KCNH8: variants seen among roughly 807,000 people sequenced by gnomAD.
KCNH8 encodes the protein potassium voltage-gated channel subfamily H member 8.
Under a neutral mutation model 103.6 loss-of-function variants are expected in KCNH8, and 70 were observed. That is an observed-to-expected ratio of 0.68 (90% CI 0.56 to 0.82). KCNH8 has a LOEUF of 0.82. Ranked by LOEUF, KCNH8 falls within the 40% of genes least tolerant of loss-of-function variation. The pLI is 0.00. For synonymous variants in KCNH8, 498 were observed against 489.4 expected, an observed-to-expected ratio of 1.02 and a Z score of -0.23; for missense variants, 1,217 against 1,329.9, an observed-to-expected ratio of 0.92 and a Z score of 1.32.
At chr3:19,515,463 A>G (rs2068858709) in intron 14 of KCNH8, 35 bp downstream of exon 14, 3 of 1,096,946 alleles carry the variant, frequency 2.7e-6, no homozygotes, top group Non-Finnish European at 3.8e-6. Context: ...CTAAGGTAAA[A>G]TATTTCTTAT....
chr3:19,484,233 C>T (rs960935831), intron 11 of KCNH8, among the ~76,000 whole-genome samples: 3 of 152,084 alleles, frequency 2.0e-5, no homozygotes, highest in African/African-American at 4.8e-5. Context: ...TCTGGCTGGT[C>T]GTTTCCTGGG....
intron 3 of KCNH8, among the ~76,000 whole-genome samples, chr3:19,331,111 C>G (rs969664285): frequency 6.6e-6 from 1 of 151,802 alleles, no homozygotes; most frequent in African/African-American, 2.4e-5. Flanking sequence ...GTATCATTTT[C>G]TAATACTGGG....
chr3:19,463,942 A>G (rs911826667), intron 11 of KCNH8, among the ~76,000 whole-genome samples: 15 of 151,958 alleles, frequency 9.9e-5, no homozygotes, highest in Admixed American at 5.9e-4. Flanking sequence ...ATTTATTGAC[A>G]AGATAAGAAA....
At chr3:19,163,339 T>G (rs1010014222) in intron 1 of KCNH8, among the ~76,000 whole-genome samples, 1 of 150,802 alleles carries the variant, frequency 6.6e-6, no homozygotes, top group Non-Finnish European at 1.5e-5. Flanking sequence ...TTGCAAAAAG[T>G]AAATTTTATA....
At chr3:19,292,893 T>A (rs922079035) in intron 3 of KCNH8, among the ~76,000 whole-genome samples, 1 of 152,202 alleles carries the variant, frequency 6.6e-6, no homozygotes, top group Admixed American at 6.5e-5. Context: ...TTCCAGAGAT[T>A]TCTGTCAACA....
chr3:19,315,134 T>A (rs1041885139), intron 3 of KCNH8, among the ~76,000 whole-genome samples: 1 of 151,964 alleles, frequency 6.6e-6, no homozygotes, highest in African/African-American at 2.4e-5. Flanking sequence ...AAAGTGATCA[T>A]GTTCTAGAAT....
At chr3:19,173,769 A>G (rs2063370926) in intron 1 of KCNH8, among the ~76,000 whole-genome samples, 2 of 152,142 alleles carry the variant, frequency 1.3e-5, no homozygotes, top group Non-Finnish European at 2.9e-5. Context: ...TTCACATAAC[A>G]AAGGAGTTAT....
chr3:19,420,908 G>C (rs1030951385), intron 7 of KCNH8, among the ~76,000 whole-genome samples: 9 of 152,272 alleles, frequency 5.9e-5, no homozygotes, highest in Admixed American at 4.6e-4. Flanking sequence ...AATGGTATAA[G>C]CAAGCCATCT....
chr3:19,295,376 C>A (rs1458300823), intron 3 of KCNH8, among the ~76,000 whole-genome samples: 3 of 141,826 alleles, frequency 2.1e-5, no homozygotes, highest in Admixed American at 1.5e-4. Context: ...ATAGAGAGAC[C>A]CTGTCTCAAA....
At chr3:19,320,966 C>T (rs750104335) in intron 3 of KCNH8, among the ~76,000 whole-genome samples, 5 of 151,690 alleles carry the variant, frequency 3.3e-5, no homozygotes, top group Admixed American at 1.3e-4. Flanking sequence ...AGTTTATGCA[C>T]GTAAAAAAGG....
intron 3 of KCNH8, among the ~76,000 whole-genome samples, chr3:19,310,920 A>G (rs978395879): frequency 6.6e-6 from 1 of 151,860 alleles, no homozygotes; most frequent in Non-Finnish European, 1.5e-5. Flanking sequence ...AAAGGATAGC[A>G]CTTGTAACCC....
intron 1 of KCNH8, among the ~76,000 whole-genome samples, chr3:19,155,047 T>C (rs1256865703): frequency 6.6e-6 from 1 of 152,226 alleles, no homozygotes; most frequent in Non-Finnish European, 1.5e-5. Flanking sequence ...GTTATTGGAT[T>C]ATAAATTCCC....
At chr3:19,183,196 A>C (rs1024367251) in intron 1 of KCNH8, among the ~76,000 whole-genome samples, 5 of 152,336 alleles carry the variant, frequency 3.3e-5, no homozygotes, top group African/African-American at 1.2e-4. Flanking sequence ...TGCTATAATA[A>C]TAAAAAAGGA....
intron 3 of KCNH8, among the ~76,000 whole-genome samples, chr3:19,302,005 A>G (rs764679082): frequency 4.7e-4 from 71 of 152,324 alleles, no homozygotes; most frequent in Non-Finnish European, 4.4e-4. Flanking sequence ...GCACATGGAT[A>G]TATTCAGCAA....
intron 3 of KCNH8, among the ~76,000 whole-genome samples, chr3:19,307,059 C>T (rs761258215): frequency 1.3e-4 from 19 of 151,708 alleles, no homozygotes; most frequent in Admixed American, 2.0e-4. Context: ...AATCCAGAAA[C>T]GAATCCACAT....
At chr3:19,468,641 T>A (rs1376415968) in intron 11 of KCNH8, among the ~76,000 whole-genome samples, 1 of 152,184 alleles carries the variant, frequency 6.6e-6, no homozygotes, top group South Asian at 2.1e-4. Flanking sequence ...ATATAGTAAG[T>A]AGGGTTAAAA....
At chr3:19,355,855 AC>A (rs1345672501) in intron 5 of KCNH8, among the ~76,000 whole-genome samples, 7 of 151,680 alleles carry the variant, frequency 4.6e-5, no homozygotes, top group Admixed American at 1.3e-4. Flanking sequence ...CACATTATGC[AC>A]ATGTACCCTA....
At chr3:19,295,434 T>A (rs2064984363) in intron 3 of KCNH8, among the ~76,000 whole-genome samples, 1 of 149,474 alleles carries the variant, frequency 6.7e-6, no homozygotes, top group African/African-American at 2.4e-5. Context: ...AAGTTCAGGC[T>A]GAGAGCTAAA....
At chr3:19,453,489 G>C (rs779853685) in intron 10 of KCNH8, among the ~76,000 whole-genome samples, 21 of 152,170 alleles carry the variant, frequency 1.4e-4, no homozygotes, top group Admixed American at 2.6e-4. Context: ...ATATGAGCTG[G>C]GTGTTTTATG....
Sources: allele counts gnomAD v4.1 joint callset (sites outside exome capture counted in the v4.1 genomes callset), GRCh38; gene constraint gnomAD v4.1.1; transcripts MANE v1.5; gene names NCBI Gene and HGNC (gene_info 2026-07-23, HGNC 2026-07-21).